KCNH1: variants seen among roughly 807,000 people sequenced by gnomAD.
The protein encoded by KCNH1 is potassium voltage-gated channel subfamily H member 1.
In KCNH1, 27 loss-of-function variants were observed where a neutral mutation model predicts 69.2. That is an observed-to-expected ratio of 0.39 (90% CI 0.29 to 0.54). KCNH1 has a LOEUF of 0.54. KCNH1 is among the 20% of genes least tolerant of loss of function. The pLI is 0.68. For synonymous variants in KCNH1, 456 were observed against 487.7 expected, an observed-to-expected ratio of 0.93 and a Z score of 0.86; for missense variants, 798 against 1,261.6, an observed-to-expected ratio of 0.63 and a Z score of 5.57.
At chr1:210,749,134 G>A (rs181464265) in intron 10 of KCNH1, among the ~76,000 whole-genome samples, 2 of 152,208 alleles carry the variant, frequency 1.3e-5, no homozygotes, top group East Asian at 3.9e-4. Context: ...TTGCTCAAAT[G>A]CCACCAGGGT....
chr1:210,755,905 T>A (rs1482642090), intron 10 of KCNH1, among the ~76,000 whole-genome samples: 2 of 152,202 alleles, frequency 1.3e-5, no homozygotes, highest in Non-Finnish European at 2.9e-5. Flanking sequence ...CATACATCCT[T>A]AACTTTACAT....
intron 3 of KCNH1, among the ~76,000 whole-genome samples, chr1:211,100,315 T>C (rs1691235111): frequency 6.6e-6 from 1 of 152,142 alleles, no homozygotes. Context: ...CTTCCTAGTC[T>C]CTCCAACCTC....
intron 7 of KCNH1, among the ~76,000 whole-genome samples, chr1:210,839,997 GAGACAGAGAC>G (rs1026208324): frequency 6.6e-6 from 1 of 152,158 alleles, no homozygotes; most frequent in Admixed American, 6.6e-5. Flanking sequence ...GAGAGAGTGA[GAGACAGAGAC>G]AGACAGAGAC....
At chr1:210,909,581 C>G (rs1539531) in intron 7 of KCNH1, among the ~76,000 whole-genome samples, 94,796 of 152,094 alleles carry the variant, frequency 0.62, 29,897 homozygotes, top group East Asian at 0.8. Flanking sequence ...TAAGTACCTT[C>G]CTGACTATTA....
intron 10 of KCNH1, among the ~76,000 whole-genome samples, chr1:210,747,640 T>C (rs935106025): frequency 4.6e-5 from 3 of 65,826 alleles, no homozygotes; most frequent in Non-Finnish European, 1.1e-4. Flanking sequence ...ATCTTTCACA[T>C]GCAAAAAAAA....
intron 10 of KCNH1, among the ~76,000 whole-genome samples, chr1:210,701,001 G>A (rs969100608): frequency 3.9e-4 from 60 of 152,094 alleles, no homozygotes; most frequent in African/African-American, 1.4e-3. Context: ...GCAGTGGCGC[G>A]ATCTCGGCTC....
intron 7 of KCNH1, among the ~76,000 whole-genome samples, chr1:210,893,947 T>G (rs1191326845): frequency 6.6e-6 from 1 of 152,176 alleles, no homozygotes; most frequent in Non-Finnish European, 1.5e-5. Context: ...AAGCTTGATT[T>G]GAACAAAAAA....
At chr1:210,736,299 C>G (rs1048330341) in intron 10 of KCNH1, among the ~76,000 whole-genome samples, 2 of 152,078 alleles carry the variant, frequency 1.3e-5, no homozygotes, top group African/African-American at 4.8e-5. Flanking sequence ...TAAGATTGCC[C>G]ATGACTTGGG....
chr1:211,118,884 A>G (rs1691634662), intron 1 of KCNH1, among the ~76,000 whole-genome samples: 2 of 152,262 alleles, frequency 1.3e-5, no homozygotes, highest in Admixed American at 1.3e-4. Context: ...TAAAAGCTAC[A>G]TTCAGCTCGC....
At chr1:210,755,124 CAGTGGCAGAGAGGGA>C (rs1254832407) in intron 10 of KCNH1, among the ~76,000 whole-genome samples, 1 of 150,672 alleles carries the variant, frequency 6.6e-6, no homozygotes, top group Non-Finnish European at 1.5e-5. Context: ...CAGTCACCGA[CAGTGGCAGAGAGGGA>C]AGTAGGAAGC....
intron 7 of KCNH1, among the ~76,000 whole-genome samples, chr1:210,875,695 C>T (rs1055495176): frequency 6.6e-6 from 1 of 151,598 alleles, no homozygotes; most frequent in African/African-American, 2.4e-5. Context: ...CCCAGCTACT[C>T]GGGAAGCTGA....
chr1:211,106,032 T>C (rs1433674605), intron 2 of KCNH1, among the ~76,000 whole-genome samples: 1 of 152,240 alleles, frequency 6.6e-6, no homozygotes, highest in African/African-American at 2.4e-5. Context: ...TTTAAAATAA[T>C]GTAAAGTGAC....
At chr1:210,755,153 G>A (rs1201158719) in intron 10 of KCNH1, among the ~76,000 whole-genome samples, 1 of 152,104 alleles carries the variant, frequency 6.6e-6, no homozygotes, top group Non-Finnish European at 1.5e-5. Context: ...AGGAAGCACA[G>A]AGTGGTCGGG....
intron 5 of KCNH1, among the ~76,000 whole-genome samples, chr1:211,070,661 T>C (rs565674002): frequency 8.6e-4 from 130 of 151,468 alleles, no homozygotes; most frequent in African/African-American, 2.9e-3. Flanking sequence ...CCGTCTCTAC[T>C]AAAAATACAA....
At chr1:210,933,963 G>A (rs1687728480) in intron 6 of KCNH1, among the ~76,000 whole-genome samples, 1 of 152,120 alleles carries the variant, frequency 6.6e-6, no homozygotes, top group Admixed American at 6.5e-5. Flanking sequence ...AAATGATGTT[G>A]GGGAAACTGG....
intron 7 of KCNH1, among the ~76,000 whole-genome samples, chr1:210,830,361 C>G (rs1361930674): frequency 6.6e-6 from 1 of 152,176 alleles, no homozygotes; most frequent in African/African-American, 2.4e-5. Flanking sequence ...CTAAAGAAGC[C>G]CAGCTCTGGC....
intron 7 of KCNH1, among the ~76,000 whole-genome samples, chr1:210,857,953 G>A (rs1488997905): frequency 6.6e-6 from 1 of 152,094 alleles, no homozygotes; most frequent in Admixed American, 6.6e-5. Flanking sequence ...CAACAAGAGG[G>A]GTAGAAGGGA....
chr1:210,965,603 G>A (rs956132218), intron 6 of KCNH1, among the ~76,000 whole-genome samples: 1 of 152,042 alleles, frequency 6.6e-6, no homozygotes, highest in African/African-American at 2.4e-5. Context: ...ATTACACAGA[G>A]TCAAATCTTG....
At chr1:210,832,947 T>C (rs1484127126) in intron 7 of KCNH1, among the ~76,000 whole-genome samples, 1 of 142,994 alleles carries the variant, frequency 7.0e-6, no homozygotes, top group Non-Finnish European at 1.6e-5. Context: ...TTGAGGAAGT[T>C]AAATAACGTT....
Sources: gnomAD v4.1 joint callset for allele counts (sites outside exome capture counted in the v4.1 genomes callset) on GRCh38, gnomAD v4.1.1 for gene constraint, MANE v1.5 for transcripts, NCBI Gene and HGNC (gene_info 2026-07-23, HGNC 2026-07-21) for gene names.